The following NPAP1 variants were observed in gnomAD, a reference collection of about 807,000 sequenced individuals.
NPAP1 encodes nuclear pore associated protein 1.
For synonymous variants in NPAP1, 616 were observed against 581.4 expected, an observed-to-expected ratio of 1.06 and a Z score of -0.86; for missense variants, 1,483 against 1,454.5, an observed-to-expected ratio of 1.02 and a Z score of -0.32.
At position 24,679,451 on chromosome 15, in the gene NPAP1, G is replaced by T. The variant is rs1417053760; in HGVS notation, c.*113G>T. On this transcript the variant is annotated 3_prime_UTR_variant, in exon 1 of 1. Transcript: ENST00000329468. ...CATCTTCATGCCAAGCACCTGCCAT[G>T]TACCTCTCCAGAACTCAGGTTGTGC... 2.4e-5 allele frequency: 19 copies of T among 803,578 alleles called. No individual in the cohort carries two copies. The highest frequency in any genetic ancestry group is 3.9e-5 in the Non-Finnish European group (19 of 491,626). 49.8% of individuals were successfully genotyped at this position (803,578 alleles called of 1,614,324 possible).
chr15:24,675,996 C>G lies in NPAP1; in HGVS notation c.129C>G (p.Thr43=). ...CCGGTCGGGCTCACTCTGTACCCAC[C>G]CCGCGCCCTTTCCGCGGCCTGTTCC... ...SPPGRAHSVP[T]PRPFRGLFRR... The change falls in exon 1 of 1, where the codon ACC becomes ACG. Residue 43 remains threonine (T), a synonymous_variant. Coordinates refer to ENST00000329468, the MANE Select transcript of NPAP1 (RefSeq NM_018958.3). 1 of 1,601,306 alleles carries G rather than the reference C, an allele frequency of 6.2e-7. No individual in the cohort carries two copies. Among genetic ancestry groups the G allele is most frequent in the Non-Finnish European group, 8.5e-7 (1 of 1,175,106 alleles).
In NPAP1 at chr15:24,676,182, C is replaced by G. The variant is rs757636018; in HGVS notation, c.315C>G (p.Pro105=). The G allele has an allele frequency of 6.4e-7, 1 of 1,571,598 alleles. No individual in the cohort carries two copies. The highest frequency in any genetic ancestry group is 8.6e-7 in the Non-Finnish European group (1 of 1,160,806). ...CACCCATGCTGCCTGCTCGGAACCC[C>G]CCGAGGTTTGGACACCCCAGTTCCG... The part of the protein sequence containing the change: ...RKTPMLPARN[P]PRFGHPSSVR... The change falls in exon 1 of 1, where the codon CCC becomes CCG. Residue 105 remains proline (P), a synonymous_variant. Transcript: ENST00000329468.
Position 24,678,785 on chromosome 15 carries a change from C to T in NPAP1, c.2918C>T (p.Pro973Leu), listed in dbSNP as rs1489714829. Reference sequence around the variant, plus strand: ...GAGGGTCACAATGCAAGTGCTTTCCCCAATGGCACAGCAAAGACTTCTGGA... The same window carrying T: ...GAGGGTCACAATGCAAGTGCTTTCCTCAATGGCACAGCAAAGACTTCTGGA... ...PVEGHNASAF[P>L]NGTAKTSGFR... The change falls in exon 1 of 1, where the codon CCC becomes CTC. Residue 973 changes from proline to leucine, a missense_variant. Coordinates refer to ENST00000329468, the MANE Select transcript of NPAP1 (RefSeq NM_018958.3). 3.1e-6 allele frequency: 5 copies of T among 1,614,202 alleles called. No homozygotes were observed. Among genetic ancestry groups the T allele is most frequent in the Non-Finnish European group, 3.4e-6 (4 of 1,180,048 alleles).
chr15:24,678,657 T>C lies in NPAP1; in HGVS notation c.2790T>C (p.Ser930=), dbSNP rs769572754. The stretch of plus-strand genomic sequence containing the variant: ...CAGCACCAGTTATAGGCTTAACATC[T>C]CCTTCAGTCCAGCCACTGAGTGGCA... ...ATPAPVIGLT[S]PSVQPLSGSI... Residue 930 remains serine (S), a synonymous_variant, in exon 1 of 1, where the codon TCT becomes TCC. Transcript: ENST00000329468. The C allele has an allele frequency of 5.6e-6, 9 of 1,614,100 alleles. No homozygotes were observed. Among genetic ancestry groups the C allele is most frequent in the East Asian group, 2.2e-5 (1 of 44,888 alleles).
In NPAP1 at chr15:24,678,353, C is replaced by T. The variant is rs2048992141; in HGVS notation, c.2486C>T (p.Pro829Leu). The T allele has an allele frequency of 1.2e-6, 2 of 1,614,100 alleles. No homozygotes were observed. The highest frequency in any genetic ancestry group is 1.7e-5 in the Admixed American group (1 of 60,024). The change falls in exon 1 of 1, where the codon CCT (proline) becomes CTT (leucine). Residue 829 changes from proline to leucine, a missense_variant. Coordinates refer to ENST00000329468, the MANE Select transcript of NPAP1 (RefSeq NM_018958.3). ...GACACCAGTGACATGAATACCACCC[C>T]TCCTTCCAAAACTGTCATCTTGCAG... ...AIDTSDMNTT[P>L]PSKTVILQST... is the part of the protein sequence containing the mutation.
chr15:24,676,676 C>A lies in NPAP1; in HGVS notation c.809C>A (p.Ser270Tyr), dbSNP rs2048978281. 5.6e-6 allele frequency: 9 copies of A among 1,614,054 alleles called. No individual in the cohort carries two copies. In the East Asian group the frequency reaches 2.0e-4, roughly 36 times the overall value. Reference protein sequence around the residue: ...TAPPEPAVGCSLLQQKLAAEV... With the variant: ...TAPPEPAVGCYLLQQKLAAEV... ...CCCCCTGAGCCAGCCGTTGGCTGCT[C>A]CCTGCTGCAGCAGAAGTTGGCTGCG... Residue 270 changes from serine (S) to tyrosine (Y), a missense_variant, in exon 1 of 1, where the codon TCC (serine) becomes TAC (tyrosine). Ser to Tyr is a moderately radical substitution (Grantham distance 144). Coordinates refer to ENST00000329468, the MANE Select transcript of NPAP1 (RefSeq NM_018958.3).
Position 24,676,650 on chromosome 15 carries a change from G to T in NPAP1, c.783G>T (p.Ala261=), listed in dbSNP as rs2141308468. ...GAAAGCCTGATCCGGATGCAACAGC[G>T]CCCCCTGAGCCAGCCGTTGGCTGCT... The part of the protein sequence containing the change: ...HLGKPDPDAT[A]PPEPAVGCSL... The change falls in exon 1 of 1, where the codon GCG becomes GCT. Residue 261 remains alanine (A), a synonymous_variant. Transcript: ENST00000329468. 3 of 1,613,836 alleles carry T rather than the reference G, an allele frequency of 1.9e-6. No individual in the cohort carries two copies. The highest frequency in any genetic ancestry group is 2.5e-6 in the Non-Finnish European group (3 of 1,180,034).
rs1274629884 is a variant in NPAP1 at position 24,678,996 on chromosome 15, T to G, written c.3129T>G (p.Ser1043Arg). The G allele has an allele frequency of 6.8e-6, 11 of 1,613,876 alleles. No individual in the cohort carries two copies. Among genetic ancestry groups the G allele is most frequent in the Non-Finnish European group, 9.3e-6 (11 of 1,179,998 alleles). Residue 1043 changes from serine (S) to arginine (R), a missense_variant, in exon 1 of 1, where the codon AGT becomes AGG. By Grantham distance (110) the Ser-to-Arg change is moderately radical. Transcript: ENST00000329468. ...AACTCAACATTGGACAAGGACAGAG[T>G]GGGACACCCAGCACCACTTCTGTTT... ...SGELNIGQGQ[S>R]GTPSTTSVFP...
rs2141313252 is a variant in NPAP1 at position 24,678,703 on chromosome 15, G to T, written c.2836G>T (p.Ala946Ser). The change falls in exon 1 of 1, where the codon GCA becomes TCA. Residue 946 changes from alanine to serine, a missense_variant. Transcript: ENST00000329468. Reference protein sequence around the residue: ...LSGSIIPPGFAELTSPYTALG... With the variant: ...LSGSIIPPGFSELTSPYTALG... Reference sequence around the variant, plus strand: ...TGGCAGCATAATTCCACCAGGTTTTGCAGAGTTAACATCACCATATACTGC... The same window carrying T: ...TGGCAGCATAATTCCACCAGGTTTTTCAGAGTTAACATCACCATATACTGC... 1 of 1,614,158 alleles carries T rather than the reference G, an allele frequency of 6.2e-7. No individual in the cohort carries two copies. Among genetic ancestry groups the T allele is most frequent in the Non-Finnish European group, 8.5e-7 (1 of 1,180,040 alleles).
rs771960423 is a variant in NPAP1 at position 24,676,219 on chromosome 15, C to T, written c.352C>T (p.Pro118Ser). The T allele has an allele frequency of 3.5e-5, 54 of 1,527,760 alleles. No homozygotes were observed. Among genetic ancestry groups the T allele is most frequent in the Non-Finnish European group, 4.3e-5 (49 of 1,140,068 alleles). 94.6% of individuals were successfully genotyped at this position (1,527,760 alleles called of 1,614,324 possible). The change falls in exon 1 of 1, where the codon CCT (proline) becomes TCT (serine). Residue 118 changes from proline to serine, a missense_variant. By Grantham distance (74) the Pro-to-Ser change is moderately conservative (BLOSUM62 -1). Coordinates refer to ENST00000329468, the MANE Select transcript of NPAP1 (RefSeq NM_018958.3). ...FGHPSSVRIP[P>S]PSRMFTLLLP... Reference sequence around the variant, plus strand: ...ACACCCCAGTTCCGTAAGGATCCCTCCTCCCAGCCGCATGTTCACTCTCCT... The same window carrying T: ...ACACCCCAGTTCCGTAAGGATCCCTTCTCCCAGCCGCATGTTCACTCTCCT...
In NPAP1 at chr15:24,679,891, C is replaced by A. The variant is rs1025337847; in HGVS notation, c.*553C>A. On this transcript the variant is annotated 3_prime_UTR_variant, in exon 1 of 1. Transcript: ENST00000329468. Reference sequence around the variant, plus strand: ...AGCCCCAGATATTTGTAGGGAGAAACCTCTAGTCTCCCTTTCAGTAAAAAT... The same window carrying A: ...AGCCCCAGATATTTGTAGGGAGAAAACTCTAGTCTCCCTTTCAGTAAAAAT... 1 of 172,098 alleles carries A rather than the reference C, an allele frequency of 5.8e-6. No homozygotes were observed. Among genetic ancestry groups the A allele is most frequent in the African/African-American group, 2.4e-5 (1 of 41,486 alleles). 10.7% of individuals were successfully genotyped at this position (172,098 alleles called of 1,614,324 possible).
chr15:24,677,441 C>T lies in NPAP1; in HGVS notation c.1574C>T (p.Pro525Leu), dbSNP rs2141310361. The change falls in exon 1 of 1, where the codon CCT becomes CTT. Residue 525 changes from proline (P) to leucine (L), a missense_variant. Transcript: ENST00000329468. ...ATATCTATGTGTGTGGATTCCCCTCCTCCTCTTTCCTTCCTGACTCTTCTT... is the reference window on the plus strand; with the variant it reads ...ATATCTATGTGTGTGGATTCCCCTCTTCCTCTTTCCTTCCTGACTCTTCTT... ...SPISMCVDSPPPLSFLTLLPV... is the reference protein window; with the variant it reads ...SPISMCVDSPLPLSFLTLLPV... 1 of 1,614,154 alleles carries T rather than the reference C, an allele frequency of 6.2e-7. No individual in the cohort carries two copies. Among genetic ancestry groups the T allele is most frequent in the African/African-American group, 1.3e-5 (1 of 75,038 alleles).
In NPAP1 at chr15:24,682,611, T is replaced by C. The variant is rs1353826860; in HGVS notation, c.*3273T>C. 1 of 167,072 alleles carries C rather than the reference T, an allele frequency of 6.0e-6. No homozygotes were observed. The highest frequency in any genetic ancestry group is 1.5e-5 in the Non-Finnish European group (1 of 68,110). The allele number at this position is 167,072 out of a possible 1,614,324, so 10.3% of individuals were successfully genotyped here. On this transcript the variant is annotated 3_prime_UTR_variant, in exon 1 of 1. Coordinates refer to ENST00000329468, the MANE Select transcript of NPAP1 (RefSeq NM_018958.3). ...AGTTCCCTCCTCCAGAGATAGTGTT[T>C]AGCTACTTTGATGTCACTCCCATAG...
rs1212234160 is a variant in NPAP1 at position 24,677,461 on chromosome 15, C to G, written c.1594C>G (p.Leu532Val). ...DSPPPLSFLT[L>V]LPVPSTGTSV... ...CCCTCCTCCTCTTTCCTTCCTGACT[C>G]TTCTTCCAGTCCCTTCCACCGGGAC... Residue 532 changes from leucine (L) to valine (V), a missense_variant, in exon 1 of 1, where the codon CTT becomes GTT. By Grantham distance (32) the Leu-to-Val change is conservative. Transcript: ENST00000329468. 6.2e-7 allele frequency: 1 copy of G among 1,614,036 alleles called. No individual in the cohort carries two copies. The highest frequency in any genetic ancestry group is 2.2e-5 in the East Asian group (1 of 44,876).
rs2141312515 is a variant in NPAP1 at position 24,678,380 on chromosome 15, C to G, written c.2513C>G (p.Ser838Cys). 1 of 1,613,994 alleles carries G rather than the reference C, an allele frequency of 6.2e-7. No individual in the cohort carries two copies. Among genetic ancestry groups the G allele is most frequent in the Non-Finnish European group, 8.5e-7 (1 of 1,180,010 alleles). The change falls in exon 1 of 1, where the codon TCT (serine) becomes TGT (cysteine). Residue 838 changes from serine (S) to cysteine (C), a missense_variant. Coordinates refer to ENST00000329468, the MANE Select transcript of NPAP1 (RefSeq NM_018958.3). ...TPPSKTVILQ[S>C]TFVSRKEEYI... ...CCTTCCAAAACTGTCATCTTGCAGTCTACCTTTGTCTCCAGGAAGGAGGAG... is the reference window on the plus strand; with the variant it reads ...CCTTCCAAAACTGTCATCTTGCAGTGTACCTTTGTCTCCAGGAAGGAGGAG...
Position 24,678,790 on chromosome 15 carries a change from G to A in NPAP1, c.2923G>A (p.Gly975Ser), listed in dbSNP as rs774096468. 3.7e-6 allele frequency: 6 copies of A among 1,614,104 alleles called. No homozygotes were observed. The highest frequency in any genetic ancestry group is 5.1e-6 in the Non-Finnish European group (6 of 1,180,060). Reference protein sequence around the residue: ...EGHNASAFPNGTAKTSGFRIA... With the variant: ...EGHNASAFPNSTAKTSGFRIA... ...TCACAATGCAAGTGCTTTCCCCAAT[G>A]GCACAGCAAAGACTTCTGGATTTAG... The change falls in exon 1 of 1, where the codon GGC becomes AGC. Residue 975 changes from glycine (G) to serine (S), a missense_variant. Physicochemically the swap from Gly to Ser is moderately conservative, Grantham distance 56. Transcript: ENST00000329468.
In NPAP1 at chr15:24,679,082, G is replaced by A. The variant is rs755028786; in HGVS notation, c.3215G>A (p.Gly1072Glu). 2.5e-6 allele frequency: 4 copies of A among 1,614,202 alleles called. No individual in the cohort carries two copies. The highest frequency in any genetic ancestry group is 2.2e-5 in the East Asian group (1 of 44,870). The change falls in exon 1 of 1, where the codon GGG becomes GAG. Residue 1072 changes from glycine (G) to glutamate (E), a missense_variant. Transcript: ENST00000329468. ...TGHSMAAAPQ[G>E]ASNIPVFGYT... ...CACAGCATGGCTGCTGCACCACAAG[G>A]GGCTAGCAACATTCCTGTATTTGGA...
chr15:24,676,953 T>A lies in NPAP1; in HGVS notation c.1086T>A (p.Val362=). 6.2e-7 allele frequency: 1 copy of A among 1,605,428 alleles called. No individual in the cohort carries two copies. Among genetic ancestry groups the A allele is most frequent in the Non-Finnish European group, 8.5e-7 (1 of 1,176,106 alleles). The change falls in exon 1 of 1, where the codon GTT becomes GTA. Residue 362 remains valine (V), a synonymous_variant. Coordinates refer to ENST00000329468, the MANE Select transcript of NPAP1 (RefSeq NM_018958.3). ...CTGCTAAGCTCCCCTGCCTGTCTGT[T>A]GAGGGAGACCTACACACCTTGGAGA... The part of the protein sequence containing the change: ...PPPAKLPCLS[V]EGDLHTLEKS...
rs1485069667 is a variant in NPAP1 at position 24,679,976 on chromosome 15, T to G, written c.*638T>G. 2 of 188,570 alleles carry G rather than the reference T, an allele frequency of 1.1e-5. No homozygotes were observed. The highest frequency in any genetic ancestry group is 2.4e-5 in the Non-Finnish European group (2 of 84,348). The allele number at this position is 188,570 out of a possible 1,614,324, so 11.7% of individuals were successfully genotyped here. A position where few individuals can be genotyped will look rare whatever the true frequency, so the allele number is the denominator to read the frequency against. On this transcript the variant is annotated 3_prime_UTR_variant, in exon 1 of 1. Coordinates refer to ENST00000329468, the MANE Select transcript of NPAP1 (RefSeq NM_018958.3). Reference sequence around the variant, plus strand: ...ACTTTAGAGGAACCAGCATTGTTTTTGTTTTGGTTTGTTTGTTTGTTTGTT... The same window carrying G: ...ACTTTAGAGGAACCAGCATTGTTTTGGTTTTGGTTTGTTTGTTTGTTTGTT...
Sources: gnomAD v4.1 joint callset for allele counts on GRCh38, gnomAD v4.1.1 for gene constraint, MANE v1.5 for transcripts, NCBI Gene and HGNC (gene_info 2026-07-23, HGNC 2026-07-21) for gene names.